Variants in PPARGC1A observed in about 807,000 individuals in gnomAD.
PPARGC1A encodes the protein PPARG coactivator 1 alpha.
Under a neutral mutation model 88.7 loss-of-function variants are expected in PPARGC1A, and 25 were observed. The ratio of observed to expected loss-of-function variants is 0.28; its 90% CI spans 0.21 to 0.39. The LOEUF is 0.39. Ranked by LOEUF, PPARGC1A falls within the 10% of genes least tolerant of loss-of-function variation. PPARGC1A has a pLI of 1.00. For missense variants in PPARGC1A, 880 were observed against 968.7 expected (o/e 0.91, Z 1.22); for synonymous variants, 363 against 355.6 (o/e 1.02, Z -0.24).
chr4:24,290,501 C>A, the PPARGC1A span, among the ~76,000 whole-genome samples: 1 of 152,282 alleles, frequency 6.6e-6, no homozygotes, highest in South Asian at 2.1e-4. Context: ...TAATATCTAT[C>A]TCACTGGGTT....
At chr4:23,848,914 C>A (rs1397624674) in intron 2 of PPARGC1A, among the ~76,000 whole-genome samples, 1 of 152,000 alleles carries the variant, frequency 6.6e-6, no homozygotes, top group Non-Finnish European at 1.5e-5. Context: ...GAGGCCGAGG[C>A]GGGCAGATCA....
At chr4:24,298,429 A>G in the PPARGC1A span, among the ~76,000 whole-genome samples, 8 of 152,144 alleles carry the variant, frequency 5.3e-5, no homozygotes, top group Admixed American at 1.3e-4. Context: ...GTGGAGATTA[A>G]AAGTGTTAAT....
At chr4:24,334,996 C>G in the PPARGC1A span, among the ~76,000 whole-genome samples, 1 of 152,160 alleles carries the variant, frequency 6.6e-6, no homozygotes, top group Non-Finnish European at 1.5e-5. Context: ...GAATAAGAAC[C>G]TTCAGAGGTT....
upstream of PPARGC1A, chr4:23,890,051 A>G: frequency 6.4e-7 from 1 of 1,571,430 alleles, no homozygotes; most frequent in Non-Finnish European, 8.6e-7. Flanking sequence ...CCTTACTGAG[A>G]GTGAACTGAA....
rs914424171 is a variant in PPARGC1A at position 23,803,834 on chromosome 4, G to C, written c.2020-1489C>G. ...TTCTTTGGATGTACTGAGAGTCCCT[G>C]GTCTTGGGTGATGAAAAGAGTAATT... is the stretch of plus-strand genomic sequence containing the variant. On this transcript the variant is annotated intron_variant, in intron 10 of 12. Coordinates refer to ENST00000264867, the MANE Select transcript of PPARGC1A (RefSeq NM_013261.5). Among the ~76,000 whole-genome samples, 5 of 152,154 alleles carry C rather than the reference G, an allele frequency of 3.3e-5. No homozygotes were observed. In the East Asian group the frequency reaches 9.6e-4, roughly 29 times the overall value.
chr4:23,936,477 A>T, the PPARGC1A span, among the ~76,000 whole-genome samples: 1 of 152,160 alleles, frequency 6.6e-6, no homozygotes, highest in African/African-American at 2.4e-5. Flanking sequence ...TGGCTCACGC[A>T]TGTAATCCCA....
chr4:23,940,081 C>T, the PPARGC1A span, among the ~76,000 whole-genome samples: 7 of 152,274 alleles, frequency 4.6e-5, no homozygotes, highest in Admixed American at 1.3e-4. Flanking sequence ...CTAATTTATA[C>T]AAATTTGTAA....
At chr4:24,087,462 AAGGAAACC>A in the PPARGC1A span, among the ~76,000 whole-genome samples, 2 of 152,194 alleles carry the variant, frequency 1.3e-5, no homozygotes, top group African/African-American at 4.8e-5. Context: ...GGTTGTTTTA[AAGGAAACC>A]ATCCTATTAT....
At chr4:23,956,993 A>C in the PPARGC1A span, among the ~76,000 whole-genome samples, 125 of 152,232 alleles carry the variant, frequency 8.2e-4, 1 homozygote, top group African/African-American at 3.0e-3. Context: ...GCACCAAGTT[A>C]CAGTGCTCGT....
At chr4:24,405,950 T>C in the PPARGC1A span, among the ~76,000 whole-genome samples, 1 of 151,754 alleles carries the variant, frequency 6.6e-6, no homozygotes, top group Non-Finnish European at 1.5e-5. Context: ...TCCTCCCCAC[T>C]CTCACTTCTC....
chr4:24,242,164 C>T, the PPARGC1A span, among the ~76,000 whole-genome samples: 6 of 152,180 alleles, frequency 3.9e-5, no homozygotes, highest in African/African-American at 1.4e-4. Flanking sequence ...CAGTTTCCAC[C>T]TCCACACCAC....
the PPARGC1A span, among the ~76,000 whole-genome samples, chr4:24,081,143 A>G: frequency 2.6e-5 from 4 of 152,180 alleles, no homozygotes; most frequent in African/African-American, 7.2e-5. Context: ...AATACATTTC[A>G]AAGGCCAAAA....
chr4:24,279,041 T>C, the PPARGC1A span, among the ~76,000 whole-genome samples: 1 of 152,228 alleles, frequency 6.6e-6, no homozygotes, highest in Non-Finnish European at 1.5e-5. Flanking sequence ...GAGGAAAACA[T>C]TGGTGTTAGC....
chr4:23,947,352 GAT>G, the PPARGC1A span, among the ~76,000 whole-genome samples: 35 of 75,848 alleles, frequency 4.6e-4, no homozygotes, highest in African/African-American at 1.6e-3. Flanking sequence ...GTTATATAGT[GAT>G]ATATATATAT....
chr4:24,173,248 C>T, the PPARGC1A span, among the ~76,000 whole-genome samples: 4 of 148,612 alleles, frequency 2.7e-5, no homozygotes, highest in African/African-American at 5.0e-5. Context: ...TCTGAGATTA[C>T]GTTATTCAAC....
chr4:24,063,152 T>C, the PPARGC1A span, among the ~76,000 whole-genome samples: 1 of 152,116 alleles, frequency 6.6e-6, no homozygotes, highest in Non-Finnish European at 1.5e-5. Flanking sequence ...GTGGGCCCTT[T>C]CATACTCCCT....
chr4:24,312,387 T>C, the PPARGC1A span, among the ~76,000 whole-genome samples: 1 of 84,238 alleles, frequency 1.2e-5, no homozygotes, highest in African/African-American at 5.3e-5. Context: ...GGGATATTTT[T>C]TCCTATTTTT....
the PPARGC1A span, among the ~76,000 whole-genome samples, chr4:24,171,814 A>G: frequency 2.0e-5 from 3 of 152,226 alleles, no homozygotes; most frequent in Non-Finnish European, 4.4e-5. Context: ...AAGATTGACT[A>G]TTGTTGTGGA....
the PPARGC1A span, among the ~76,000 whole-genome samples, chr4:24,358,481 C>T: frequency 6.6e-6 from 1 of 152,180 alleles, no homozygotes; most frequent in South Asian, 2.1e-4. Context: ...TTTGTTAACT[C>T]TCTTAACCAC....
Sources: gnomAD v4.1 joint callset for allele counts (sites outside exome capture counted in the v4.1 genomes callset) on GRCh38, gnomAD v4.1.1 for gene constraint, MANE v1.5 for transcripts, NCBI Gene and HGNC (gene_info 2026-07-23, HGNC 2026-07-21) for gene names.